Variants in PTPN5 observed in about 807,000 individuals in gnomAD.
PTPN5 encodes the protein tyrosine-protein phosphatase non-receptor type 5.
Under a neutral mutation model 73.9 loss-of-function variants are expected in PTPN5, and 29 were observed. That is an observed-to-expected ratio of 0.39 (90% confidence interval 0.29 to 0.54). The LOEUF (loss-of-function observed/expected upper bound fraction) is 0.54. PTPN5 is among the 20% of genes least tolerant of loss of function. The pLI, the probability that PTPN5 is intolerant of heterozygous loss-of-function variation, is 0.65. For missense variants in PTPN5, 652 were observed against 751.4 expected (o/e 0.87, Z 1.55); for synonymous variants, 267 against 304.7 (o/e 0.88, Z 1.29).
intron 3 of PTPN5, among the ~76,000 whole-genome samples, chr11:18,754,057 A>G (rs138851479): frequency 8.5e-5 from 13 of 152,314 alleles, no homozygotes; most frequent in Admixed American, 1.3e-4. Context: ...AAGGAAGTAA[A>G]TAAGTGAATA....
rs1306991236 is a variant in PTPN5 at position 18,740,651 on chromosome 11, C to T, written c.867G>A (p.Glu289=). ...LSASRVLQAE[E]LHEKALDPFL... is the part of the protein sequence containing the mutation. ...AAGGGTCCAGGGCCTTTTCATGAAG[C>T]TCTTCTGCTTGGAGGACACGGGAGG... Residue 289 remains glutamate (E), a synonymous_variant, in exon 8 of 15, where the codon GAG becomes GAA. Transcript: ENST00000358540. The T allele has an allele frequency of 6.3e-7, 1 of 1,598,088 alleles. No individual in the cohort carries two copies. The highest frequency in any genetic ancestry group is 8.5e-7 in the Non-Finnish European group (1 of 1,172,842).
chr11:18,739,259 A>G (rs1849256670), intron 8 of PTPN5, among the ~76,000 whole-genome samples: 1 of 152,192 alleles, frequency 6.6e-6, no homozygotes, highest in African/African-American at 2.4e-5. Context: ...CTTCCTCAAC[A>G]AAGACCCACC....
chr11:18,784,271 T>C (rs1247913974), intron 1 of PTPN5, among the ~76,000 whole-genome samples: 1 of 152,152 alleles, frequency 6.6e-6, no homozygotes, highest in Non-Finnish European at 1.5e-5. Flanking sequence ...AACAGATGAA[T>C]GGCCAAACAA....
chr11:18,742,907 T>C lies in PTPN5; in HGVS notation c.483+85A>G. 1 of 939,254 alleles carries C rather than the reference T, an allele frequency of 1.1e-6. No homozygotes were observed. The highest frequency in any genetic ancestry group is 1.7e-6 in the Non-Finnish European group (1 of 593,932). 58.2% of individuals were successfully genotyped at this position (939,254 alleles called of 1,614,324 possible). A position where few individuals can be genotyped will look rare whatever the true frequency, so the allele number is the denominator to read the frequency against. ...CTTGCCCCACCCAGAATGTCCAGCC[T>C]ATAAGTCAGATGGGAGCTGGTAGAA... On this transcript the variant is annotated intron_variant, in intron 6 of 14. Transcript: ENST00000358540. The surrounding 1 kb of genome is among the most constrained non-coding windows in gnomAD (Gnocchi z 4.1).
At chr11:18,745,857 TA>T in intron 3 of PTPN5, among the ~76,000 whole-genome samples, 1 of 151,524 alleles carries the variant, frequency 6.6e-6, no homozygotes, top group Admixed American at 6.6e-5. Context: ...CTGGTAAGGG[TA>T]GAGGTGGCTT....
At chr11:18,775,853 G>C (rs1444045173) in intron 1 of PTPN5, among the ~76,000 whole-genome samples, 1 of 152,184 alleles carries the variant, frequency 6.6e-6, no homozygotes, top group African/African-American at 2.4e-5. Context: ...GGGTGGAACG[G>C]CAGTGAACCA....
intron 3 of PTPN5, among the ~76,000 whole-genome samples, chr11:18,752,418 T>A (rs1278792766): frequency 1.3e-5 from 2 of 152,124 alleles, no homozygotes; most frequent in East Asian, 3.9e-4. Context: ...ATCTGCCAGA[T>A]GAGCCCCCCA....
rs369369757 is a variant in PTPN5 at position 18,729,691 on chromosome 11, C to T, written c.1457G>A (p.Gly486Glu). The part of the protein sequence containing the change: ...REVEEAAQQE[G>E]PHCAPIIVHC... ...GACGATGATGGGGGCACAGTGGGGCCCCTCCTGCTGGGCTGCCTCCTCCAC... is the reference window on the plus strand; with the variant it reads ...GACGATGATGGGGGCACAGTGGGGCTCCTCCTGCTGGGCTGCCTCCTCCAC... Residue 486 changes from glycine (G) to glutamate (E), a missense_variant, in exon 13 of 15, where the codon GGG becomes GAG. By Grantham distance (98) the Gly-to-Glu change is moderately conservative. This residue lies in a region of PTPN5 where 102 missense variants were observed against 160.5 expected (regional missense o/e 0.64). Coordinates refer to ENST00000358540, the MANE Select transcript of PTPN5 (RefSeq NM_006906.2). The surrounding 1 kb of genome is among the most constrained non-coding windows in gnomAD (Gnocchi z 5.2). 6.3e-7 allele frequency: 1 copy of T among 1,579,648 alleles called. No individual in the cohort carries two copies. The highest frequency in any genetic ancestry group is 1.3e-5 in the African/African-American group (1 of 74,498).
intron 3 of PTPN5, among the ~76,000 whole-genome samples, chr11:18,744,952 G>A (rs1849548080): frequency 6.6e-6 from 1 of 152,194 alleles, no homozygotes; most frequent in Non-Finnish European, 1.5e-5. Context: ...AGGGGCTGAG[G>A]CCCTATGTCT....
chr11:18,732,883 CCT>C (rs1294223370), intron 11 of PTPN5, among the ~76,000 whole-genome samples, 181 bp from the exon 12 acceptor site: 1 of 152,216 alleles, frequency 6.6e-6, no homozygotes, highest in African/African-American at 2.4e-5. Flanking sequence ...TCAGTTTCTT[CCT>C]CTGGAAAACA....
chr11:18,765,751 G>T, intron 3 of PTPN5, 56 bp downstream of exon 3: 1 of 1,227,236 alleles, frequency 8.1e-7, no homozygotes, highest in South Asian at 1.3e-5. Context: ...GCTTCAGCCG[G>T]GGCATTGTCT....
At chr11:18,755,315 G>A (rs1031484852) in intron 3 of PTPN5, among the ~76,000 whole-genome samples, 12 of 152,248 alleles carry the variant, frequency 7.9e-5, no homozygotes, top group Admixed American at 3.3e-4. Flanking sequence ...TGTTGTGAGA[G>A]ATCAGGCCAG....
chr11:18,738,370 T>G (rs1437296932), intron 8 of PTPN5, among the ~76,000 whole-genome samples: 1 of 152,088 alleles, frequency 6.6e-6, no homozygotes, highest in African/African-American at 2.4e-5. Flanking sequence ...CCCATCCTCA[T>G]CTCATGTCCC....
At chr11:18,743,579 T>G in intron 4 of PTPN5, 150 bp from the exon 5 acceptor site, 2 of 683,964 alleles carry the variant, frequency 2.9e-6, no homozygotes, top group Non-Finnish European at 5.0e-6. Flanking sequence ...AGGGCCCCGG[T>G]GCTGCGTGCC....
rs776127848 is a variant in PTPN5, at chr11:18,733,673, C to T, written c.1001-38G>A. On this transcript the variant is annotated intron_variant, in intron 9 of 14. Transcript: ENST00000358540. The surrounding 1 kb of genome is among the most constrained non-coding windows in gnomAD (Gnocchi z 4.3). ...GAGACAAGTAAGGCTGGAAACTGGG[C>T]CCTCTGGTGCAGGACCCACTTGCTC... The T allele has an allele frequency of 1.9e-5, 30 of 1,584,516 alleles. No homozygotes were observed. Among genetic ancestry groups the T allele is most frequent in the Non-Finnish European group, 2.5e-5 (29 of 1,153,248 alleles).
intron 5 of PTPN5, 118 bp from the exon 6 acceptor site, chr11:18,743,193 GC>G: frequency 8.2e-7 from 1 of 1,214,134 alleles, no homozygotes; most frequent in Non-Finnish European, 1.2e-6. Context: ...TGGGGAGCAG[GC>G]AGAAGAACTT....
chr11:18,790,795 G>A (rs957178546), intron 1 of PTPN5, among the ~76,000 whole-genome samples: 3 of 152,156 alleles, frequency 2.0e-5, no homozygotes, highest in Non-Finnish European at 2.9e-5. Flanking sequence ...TCTAATGAAA[G>A]CTTTACCACT....
intron 2 of PTPN5, among the ~76,000 whole-genome samples, chr11:18,769,841 C>T (rs1850797934): frequency 6.6e-6 from 1 of 152,202 alleles, no homozygotes; most frequent in South Asian, 2.1e-4. Context: ...GTAGGCTGGT[C>T]AGTGGGATGG....
At chr11:18,736,014 A>G (rs1291209421) in intron 9 of PTPN5, among the ~76,000 whole-genome samples, 2 of 152,196 alleles carry the variant, frequency 1.3e-5, no homozygotes, top group Admixed American at 6.5e-5. Context: ...ACTTATGTCA[A>G]TGTAGTCTAT....
Sources: allele counts gnomAD v4.1 joint callset (sites outside exome capture counted in the v4.1 genomes callset), GRCh38; gene constraint gnomAD v4.1.1; regional missense constraint gnomAD v4.1.1; non-coding constraint Gnocchi (gnomAD v3.1); transcripts MANE v1.5; gene names NCBI Gene and HGNC (gene_info 2026-07-23, HGNC 2026-07-21).